The following IRAK1BP1 variants were observed in gnomAD, a reference collection of about 807,000 sequenced individuals.
IRAK1BP1 encodes interleukin 1 receptor associated kinase 1 binding protein 1.
In IRAK1BP1, 24 loss-of-function variants were observed where a neutral mutation model predicts 28.0. The ratio of observed to expected loss-of-function variants is 0.86; its 90% confidence interval spans 0.62 to 1.20. The LOEUF (loss-of-function observed/expected upper bound fraction) is 1.20. IRAK1BP1 is among the 50% of genes most tolerant of loss of function. IRAK1BP1 has a pLI of 0.00. For missense variants in IRAK1BP1, 336 were observed against 316.7 expected (o/e 1.06, Z -0.46); for synonymous variants, 131 against 116.3 (o/e 1.13, Z -0.81).
At chr6:78,978,776 C>G in the IRAK1BP1 span, 13 of 1,281,548 alleles carry the variant, frequency 1.0e-5, no homozygotes, top group Non-Finnish European at 1.4e-5. Context: ...CAAATCTACT[C>G]TTTAAAATAA....
At chr6:78,956,981 A>G in the IRAK1BP1 span, 1 of 152,218 alleles carries the variant, frequency 6.6e-6, no homozygotes, top group South Asian at 2.1e-4. Context: ...ATTAAAAAGT[A>G]TAATAATCAA....
At chr6:78,932,481 G>T (rs1261985728) in intron 4 of IRAK1BP1, among the ~76,000 whole-genome samples, 1 of 142,900 alleles carries the variant, frequency 7.0e-6, no homozygotes, top group East Asian at 2.1e-4. Flanking sequence ...GAGTGCAATG[G>T]TGCACTCTTG....
intron 4 of IRAK1BP1, among the ~76,000 whole-genome samples, chr6:78,909,199 A>C (rs1390435983): frequency 6.6e-6 from 1 of 152,226 alleles, no homozygotes; most frequent in East Asian, 1.9e-4. Flanking sequence ...AAAGCCATAC[A>C]CATTCAGTAT....
At chr6:78,955,256 T>G in the IRAK1BP1 span, 1 of 1,610,490 alleles carries the variant, frequency 6.2e-7, no homozygotes, top group South Asian at 1.1e-5. Context: ...TAGAAGTTCC[T>G]GGCACATCAG....
the IRAK1BP1 span, among the ~76,000 whole-genome samples, chr6:78,974,936 C>T: frequency 2.0e-5 from 3 of 151,446 alleles, no homozygotes; most frequent in African/African-American, 4.9e-5. Flanking sequence ...CCGAATTCTA[C>T]CAGAGGTACA....
chr6:78,871,407 T>C (rs1770787030), intron 1 of IRAK1BP1: 11 of 985,498 alleles, frequency 1.1e-5, no homozygotes, highest in Non-Finnish European at 1.2e-5. Context: ...TTTAACACAG[T>C]GCAACCAAAA....
intron 4 of IRAK1BP1, among the ~76,000 whole-genome samples, chr6:78,919,555 T>G (rs935352178): frequency 2.6e-5 from 4 of 152,116 alleles, no homozygotes; most frequent in Non-Finnish European, 4.4e-5. Context: ...TCAGAGACTA[T>G]TATGAACATC....
chr6:78,891,102 A>G (rs1582013301), intron 2 of IRAK1BP1, among the ~76,000 whole-genome samples: 2 of 152,204 alleles, frequency 1.3e-5, no homozygotes, highest in African/African-American at 4.8e-5. Flanking sequence ...TACCCAATTA[A>G]TTTGACCTAT....
the IRAK1BP1 span, chr6:78,965,808 G>A: frequency 8.1e-7 from 1 of 1,227,428 alleles, no homozygotes; most frequent in African/African-American, 1.5e-5. Flanking sequence ...CTAAATTATT[G>A]TATCACAATT....
chr6:78,951,408 T>A (rs2050661), downstream of IRAK1BP1, among the ~76,000 whole-genome samples: 1 of 151,926 alleles, frequency 6.6e-6, no homozygotes, highest in Non-Finnish European at 1.5e-5. Flanking sequence ...CTTTGAATAT[T>A]TGATTAAACT....
chr6:78,927,314 T>G (rs1214653411), intron 4 of IRAK1BP1, among the ~76,000 whole-genome samples: 1 of 152,222 alleles, frequency 6.6e-6, no homozygotes, highest in African/African-American at 2.4e-5. Flanking sequence ...TTGAGCACCT[T>G]TTCATATGCC....
rs1318526175 is a variant in IRAK1BP1 at position 78,899,576 on chromosome 6, T to G, written c.*1242T>G. ...AATTTAAAATTTCCTAGTGCACATG[T>G]TTTTTTATTTTTCTTTTTCGAGATG... is the stretch of plus-strand genomic sequence containing the variant. On this transcript the variant is annotated 3_prime_UTR_variant, in exon 4 of 4. Transcript: ENST00000369940. 1 of 152,146 alleles carries G rather than the reference T, an allele frequency of 6.6e-6. No homozygotes were observed. Among genetic ancestry groups the G allele is most frequent in the Non-Finnish European group, 1.5e-5 (1 of 68,032 alleles). The allele number at this position is 152,146 out of a possible 1,614,324, so 9.4% of individuals were successfully genotyped here.
Position 78,885,450 on chromosome 6 carries a change from A to C in IRAK1BP1, c.381+7A>C. 1 of 1,386,032 alleles carries C rather than the reference A, an allele frequency of 7.2e-7. No individual in the cohort carries two copies. The highest frequency in any genetic ancestry group is 1.0e-6 in the Non-Finnish European group (1 of 995,056). 85.9% of individuals were successfully genotyped at this position (1,386,032 alleles called of 1,614,324 possible). A position where few individuals can be genotyped will look rare whatever the true frequency, so the allele number is the denominator to read the frequency against. On this transcript the variant is annotated splice_region_variant and intron_variant, in intron 2 of 3. Transcript: ENST00000369940. Reference sequence around the variant, plus strand: ...TTATCACATGGAAGCAGAGGTATGTACTTAACAAATAATTGGAAGCAGCAT... The same window carrying C: ...TTATCACATGGAAGCAGAGGTATGTCCTTAACAAATAATTGGAAGCAGCAT...
At chr6:78,869,313 A>G (rs1260404232) in intron 1 of IRAK1BP1, among the ~76,000 whole-genome samples, 1 of 152,190 alleles carries the variant, frequency 6.6e-6, no homozygotes, top group East Asian at 1.9e-4. Context: ...TGAGGCCAGG[A>G]GTTCGAGACC....
chr6:78,897,164 G>A (rs1771914126), intron 2 of IRAK1BP1, among the ~76,000 whole-genome samples: 1 of 150,132 alleles, frequency 6.7e-6, no homozygotes, highest in Non-Finnish European at 1.5e-5. Context: ...GAGGTAGGAG[G>A]ATCGCTTGAA....
chr6:78,894,729 T>G (rs1355603369), intron 2 of IRAK1BP1, among the ~76,000 whole-genome samples: 1 of 152,142 alleles, frequency 6.6e-6, no homozygotes, highest in Non-Finnish European at 1.5e-5. Context: ...ACTTGACATA[T>G]ATAGAACACT....
At chr6:78,960,718 T>C in the IRAK1BP1 span, among the ~76,000 whole-genome samples, 50 of 152,232 alleles carry the variant, frequency 3.3e-4, 1 homozygote, top group African/African-American at 1.1e-3. Flanking sequence ...CATGTGACAA[T>C]GTCTGAACAC....
chr6:78,909,829 G>A (rs1562094187), intron 4 of IRAK1BP1, among the ~76,000 whole-genome samples: 1 of 151,574 alleles, frequency 6.6e-6, no homozygotes, highest in Non-Finnish European at 1.5e-5. Context: ...CAGACCAGAT[G>A]TTTGATGTTA....
At chr6:78,869,779 A>AT (rs1426526787) in intron 1 of IRAK1BP1, among the ~76,000 whole-genome samples, 17 of 152,154 alleles carry the variant, frequency 1.1e-4, no homozygotes, top group Admixed American at 2.0e-4. Flanking sequence ...TTCCCTGCTT[A>AT]AAGGGCTCCT....
Sources: allele counts gnomAD v4.1 joint callset (sites outside exome capture counted in the v4.1 genomes callset), GRCh38; gene constraint gnomAD v4.1.1; transcripts MANE v1.5; gene names NCBI Gene and HGNC (gene_info 2026-07-23, HGNC 2026-07-21).